PARD3: variants seen among roughly 807,000 people sequenced by gnomAD.
PARD3 encodes the protein par-3 family cell polarity regulator, also known as partitioning defective 3 homolog.
A neutral mutation model predicts 155.4 loss-of-function variants in PARD3; 75 were observed. That is an observed-to-expected ratio of 0.48 (90% CI 0.40 to 0.58). The LOEUF (loss-of-function observed/expected upper bound fraction) is 0.58. PARD3 is among the 20% of genes least tolerant of loss of function. The pLI, the probability that PARD3 is intolerant of heterozygous loss-of-function variation, is 0.00. For missense variants in PARD3, 1,642 were observed against 1,721.7 expected (o/e 0.95, Z 0.82); for synonymous variants, 576 against 610.5 (o/e 0.94, Z 0.83).
chr10:34,210,592 T>C (rs1473824045), intron 22 of PARD3, among the ~76,000 whole-genome samples: 1 of 152,174 alleles, frequency 6.6e-6, no homozygotes, highest in Non-Finnish European at 1.5e-5. Context: ...TCTCTCCTGA[T>C]TGACATAGTA....
chr10:34,646,226 G>A (rs883066), intron 2 of PARD3, among the ~76,000 whole-genome samples: 52,709 of 152,000 alleles, frequency 0.35, 9,414 homozygotes, highest in South Asian at 0.43. Context: ...AATTAGCTAA[G>A]CATTTTTTTG....
At chr10:34,145,213 ATATATATATTT>A (rs1948424293) in intron 22 of PARD3, among the ~76,000 whole-genome samples, 1 of 64,032 alleles carries the variant, frequency 1.6e-5, no homozygotes, top group African/African-American at 9.0e-5. Flanking sequence ...ATATATATAT[ATATATATATTT>A]TTTTTTTTTT....
intron 2 of PARD3, among the ~76,000 whole-genome samples, chr10:34,692,225 T>A (rs1373562479): frequency 1.7e-5 from 1 of 59,050 alleles, no homozygotes; most frequent in African/African-American, 7.3e-5. Flanking sequence ...AGAGCGAGAC[T>A]TCATTTCAAA....
At chr10:34,319,078 C>CG (rs1958207806) in intron 19 of PARD3, among the ~76,000 whole-genome samples, 1 of 114,636 alleles carries the variant, frequency 8.7e-6, no homozygotes, top group Non-Finnish European at 1.8e-5. Context: ...TGCACCCAGA[C>CG]TTTTTTTTTT....
At chr10:34,491,747 T>C (rs568427237) in intron 3 of PARD3, among the ~76,000 whole-genome samples, 1 of 152,354 alleles carries the variant, frequency 6.6e-6, no homozygotes, top group East Asian at 1.9e-4. Flanking sequence ...TAAAGCACTT[T>C]AATATTGATA....
intron 20 of PARD3, among the ~76,000 whole-genome samples, chr10:34,290,732 G>C (rs1956637089): frequency 6.6e-6 from 1 of 152,084 alleles, no homozygotes; most frequent in South Asian, 2.1e-4. Flanking sequence ...TGTTTTTGAA[G>C]ACCATGTGTT....
intron 22 of PARD3, among the ~76,000 whole-genome samples, chr10:34,180,302 C>T (rs1950215366): frequency 6.6e-6 from 1 of 152,192 alleles, no homozygotes; most frequent in Non-Finnish European, 1.5e-5. Context: ...GCCTCAGCCA[C>T]CCAAAGTGTT....
intron 2 of PARD3, among the ~76,000 whole-genome samples, chr10:34,647,804 G>A (rs2092889780): frequency 6.6e-6 from 1 of 152,150 alleles, no homozygotes; most frequent in African/African-American, 2.4e-5. Flanking sequence ...GTCAGTTTTT[G>A]CAAATATTCA....
intron 5 of PARD3, among the ~76,000 whole-genome samples, chr10:34,402,451 T>C (rs1345408189): frequency 6.6e-6 from 1 of 152,192 alleles, no homozygotes; most frequent in African/African-American, 2.4e-5. Flanking sequence ...AGTGGTATAG[T>C]TCCAGATTTT....
intron 20 of PARD3, among the ~76,000 whole-genome samples, chr10:34,301,924 T>G (rs901122584): frequency 6.6e-6 from 1 of 150,884 alleles, no homozygotes; most frequent in African/African-American, 2.4e-5. Flanking sequence ...CCTCCATCAC[T>G]GGCCACAATT....
chr10:34,515,061 A>C (rs1183841380), intron 3 of PARD3, among the ~76,000 whole-genome samples: 1 of 152,114 alleles, frequency 6.6e-6, no homozygotes, highest in Non-Finnish European at 1.5e-5. Context: ...CTACTATTTA[A>C]ATTTTCCATG....
intron 1 of PARD3, among the ~76,000 whole-genome samples, chr10:34,789,534 C>T (rs1220564374): frequency 7.1e-6 from 1 of 139,880 alleles, no homozygotes; most frequent in South Asian, 2.3e-4. Flanking sequence ...CCTGTCTCTA[C>T]AAAAAAAAAA....
chr10:34,113,979 G>T (rs1042955381), intron 24 of PARD3, among the ~76,000 whole-genome samples: 1 of 152,228 alleles, frequency 6.6e-6, no homozygotes, highest in African/African-American at 2.4e-5. Flanking sequence ...CTCTGAGCCT[G>T]GGTGTGGTGG....
At chr10:34,289,723 G>A (rs1469720259) in intron 20 of PARD3, among the ~76,000 whole-genome samples, 1 of 152,104 alleles carries the variant, frequency 6.6e-6, no homozygotes, top group Admixed American at 6.5e-5. Context: ...TAAATGTATG[G>A]CTTTCTTCAT....
At chr10:34,786,801 C>A (rs1841012117) in intron 1 of PARD3, among the ~76,000 whole-genome samples, 1 of 152,158 alleles carries the variant, frequency 6.6e-6, no homozygotes, top group African/African-American at 2.4e-5. Flanking sequence ...GTTTTAGGAT[C>A]CTACATATAT....
intron 1 of PARD3, among the ~76,000 whole-genome samples, chr10:34,743,027 T>C (rs753325493): frequency 9.2e-5 from 14 of 152,212 alleles, no homozygotes; most frequent in Non-Finnish European, 1.8e-4. Context: ...TAATATCTAA[T>C]TCATTGGATT....
chr10:34,744,037 C>A (rs976486659), intron 1 of PARD3, among the ~76,000 whole-genome samples: 1 of 152,210 alleles, frequency 6.6e-6, no homozygotes, highest in Non-Finnish European at 1.5e-5. Flanking sequence ...AAAGAAGCAA[C>A]AAACAGCCAG....
At chr10:34,395,195 C>T (rs1843200553) in intron 7 of PARD3, among the ~76,000 whole-genome samples, 1 of 152,042 alleles carries the variant, frequency 6.6e-6, no homozygotes, top group Non-Finnish European at 1.5e-5. Context: ...CCACAATGCC[C>T]AGCTAATTTT....
chr10:34,412,491 C>A (rs1845190556), intron 5 of PARD3, among the ~76,000 whole-genome samples: 1 of 152,102 alleles, frequency 6.6e-6, no homozygotes, highest in Non-Finnish European at 1.5e-5. Context: ...TAAGGTGTAA[C>A]CTTTAGAAAT....
Sources: gnomAD v4.1 joint callset for allele counts (sites outside exome capture counted in the v4.1 genomes callset) on GRCh38, gnomAD v4.1.1 for gene constraint, MANE v1.5 for transcripts, NCBI Gene and HGNC (gene_info 2026-07-23, HGNC 2026-07-21) for gene names.